The following TBCK variants were observed in gnomAD, a reference collection of about 807,000 sequenced individuals.
TBCK encodes TBC domain-containing protein kinase-like protein.
Under a neutral mutation model 113.4 loss-of-function variants are expected in TBCK, and 99 were observed. The ratio of observed to expected loss-of-function variants is 0.87; its 90% confidence interval spans 0.74 to 1.03. The LOEUF (loss-of-function observed/expected upper bound fraction) is 1.03. TBCK is among the 50% of genes least tolerant of loss of function. The probability of loss-of-function intolerance (pLI) is 0.00; values close to 1 mark genes in which losing one functional copy is unlikely to be tolerated. For missense variants in TBCK, 1,045 were observed against 1,061.3 expected, an observed-to-expected ratio of 0.98 and a Z score of 0.21; for synonymous variants, 369 against 370.8, an observed-to-expected ratio of 1.00 and a Z score of 0.05.
At chr4:106,308,445 A>G (rs1169717252) in intron 2 of TBCK, among the ~76,000 whole-genome samples, 2 of 152,172 alleles carry the variant, frequency 1.3e-5, no homozygotes, top group African/African-American at 4.8e-5. Context: ...CCTCAAAGCA[A>G]CTCAGCTTGG....
chr4:106,202,245 T>C (rs973512777), intron 20 of TBCK, among the ~76,000 whole-genome samples: 2 of 151,938 alleles, frequency 1.3e-5, no homozygotes, highest in Admixed American at 1.3e-4. Context: ...CTAGGCACTG[T>C]ATAAAATATT....
chr4:106,120,015 C>T (rs753389691), intron 23 of TBCK, among the ~76,000 whole-genome samples: 6 of 152,146 alleles, frequency 3.9e-5, no homozygotes, highest in African/African-American at 7.2e-5. Flanking sequence ...GCCTGAGCGA[C>T]GCAGAAGATG....
chr4:106,162,301 G>A (rs1008137766), intron 23 of TBCK, among the ~76,000 whole-genome samples: 1 of 152,184 alleles, frequency 6.6e-6, no homozygotes, highest in Non-Finnish European at 1.5e-5. Context: ...CGCCTCTGTG[G>A]CTTTGCAAGA....
chr4:106,230,260 T>C, intron 19 of TBCK, 103 bp downstream of exon 19: 1 of 588,118 alleles, frequency 1.7e-6, no homozygotes, highest in Non-Finnish European at 2.8e-6. Context: ...TGGACCATCA[T>C]CGTATTTTTG....
At chr4:106,178,935 T>C (rs1287135928) in intron 22 of TBCK, among the ~76,000 whole-genome samples, 2 of 151,896 alleles carry the variant, frequency 1.3e-5, no homozygotes, top group Admixed American at 1.3e-4. Context: ...TCTGTTCAGG[T>C]TTTCTATTTC....
At chr4:106,304,807 A>T (rs1343029642) in intron 2 of TBCK, among the ~76,000 whole-genome samples, 1 of 152,188 alleles carries the variant, frequency 6.6e-6, no homozygotes, top group Non-Finnish European at 1.5e-5. Flanking sequence ...GATAAATTCC[A>T]TTTGGAAATT....
In TBCK at chr4:106,207,124, C is replaced by G. The variant is rs151269593; in HGVS notation, c.1860+5626G>C. ...ACAAAAATGATAAATATCACCCTGT[C>G]TCCAATTTTATCAAATACACATTAT... On this transcript the variant is annotated intron_variant, in intron 20 of 25. Coordinates refer to ENST00000394708, the MANE Select transcript of TBCK (RefSeq NM_001163435.3). 2.6e-5 allele frequency among the ~76,000 whole-genome samples: 4 copies of G among 152,274 alleles called. No homozygotes were observed. The East Asian group carries it at 7.7e-4, about 29-fold the overall frequency.
At chr4:106,293,698 G>A (rs1174710906) in intron 3 of TBCK, among the ~76,000 whole-genome samples, 2 of 152,062 alleles carry the variant, frequency 1.3e-5, no homozygotes, top group Admixed American at 6.5e-5. Context: ...CAATTTATTT[G>A]TTTTGCTTCT....
chr4:106,134,197 G>A (rs762837845), intron 23 of TBCK, among the ~76,000 whole-genome samples: 4 of 151,544 alleles, frequency 2.6e-5, no homozygotes, highest in Admixed American at 6.6e-5. Context: ...TTAAAGTGAC[G>A]TATAATGTTT....
chr4:106,072,652 G>T (rs1271144426), intron 25 of TBCK, among the ~76,000 whole-genome samples: 1 of 152,184 alleles, frequency 6.6e-6, no homozygotes, highest in East Asian at 1.9e-4. Flanking sequence ...TGCCTTGCTA[G>T]GTTGGGGAAG....
chr4:106,285,064 G>GA (rs1488265591), intron 3 of TBCK, among the ~76,000 whole-genome samples: 1 of 152,044 alleles, frequency 6.6e-6, no homozygotes, highest in African/African-American at 2.4e-5. Flanking sequence ...AACTTAAACT[G>GA]AAGAGAAATG....
intron 20 of TBCK, among the ~76,000 whole-genome samples, chr4:106,209,292 G>C (rs2149876076): frequency 6.6e-6 from 1 of 152,170 alleles, no homozygotes; most frequent in South Asian, 2.1e-4. Flanking sequence ...ACCCTGCATA[G>C]CAGCACACTT....
At chr4:106,105,681 C>G (rs1415162378) in intron 24 of TBCK, among the ~76,000 whole-genome samples, 1 of 152,218 alleles carries the variant, frequency 6.6e-6, no homozygotes, top group Non-Finnish European at 1.5e-5. Flanking sequence ...AAGCCAGAGA[C>G]AGTCAGTCAG....
chr4:106,194,952 C>A (rs979773583), intron 20 of TBCK, among the ~76,000 whole-genome samples, 198 bp from the exon 21 acceptor site: 1 of 152,102 alleles, frequency 6.6e-6, no homozygotes. Context: ...CTAAAGATTT[C>A]TCCATACATA....
intron 23 of TBCK, among the ~76,000 whole-genome samples, chr4:106,119,792 A>G (rs895217252): frequency 2.6e-5 from 4 of 152,210 alleles, no homozygotes; most frequent in Admixed American, 2.6e-4. Flanking sequence ...CAGAATATAT[A>G]AGGAACTCAA....
intron 22 of TBCK, among the ~76,000 whole-genome samples, chr4:106,183,294 A>C (rs1418982161): frequency 6.6e-6 from 1 of 151,932 alleles, no homozygotes; most frequent in African/African-American, 2.4e-5. Flanking sequence ...AATAATATCC[A>C]ATTTCCTCAG....
At chr4:106,165,253 G>C (rs17332555) in intron 23 of TBCK, among the ~76,000 whole-genome samples, 2,707 of 151,714 alleles carry the variant, frequency 0.018, 26 homozygotes, top group Middle Eastern at 0.034. Context: ...ATAAACTTCA[G>C]TCAGAATTCT....
chr4:106,221,420 T>C (rs1462689101), intron 19 of TBCK, among the ~76,000 whole-genome samples: 3 of 152,156 alleles, frequency 2.0e-5, no homozygotes, highest in Non-Finnish European at 2.9e-5. Flanking sequence ...TATGCAAATA[T>C]AATTTGTAAA....
At chr4:106,196,140 C>A (rs1338490168) in intron 20 of TBCK, among the ~76,000 whole-genome samples, 1 of 151,770 alleles carries the variant, frequency 6.6e-6, no homozygotes, top group East Asian at 1.9e-4. Flanking sequence ...CAAATTTATT[C>A]TCCTAAGTTT....
Sources: allele counts gnomAD v4.1 joint callset (sites outside exome capture counted in the v4.1 genomes callset), GRCh38; gene constraint gnomAD v4.1.1; transcripts MANE v1.5; gene names NCBI Gene and HGNC (gene_info 2026-07-23, HGNC 2026-07-21).